The following COMMD1 variants were observed in gnomAD, a reference collection of about 807,000 sequenced individuals.
The protein encoded by COMMD1 is copper metabolism domain containing 1, also known as COMM domain-containing protein 1.
In COMMD1, 10 loss-of-function variants were observed where a neutral mutation model predicts 17.2. That is an observed-to-expected ratio of 0.58 (90% CI 0.36 to 0.99). The LOEUF (loss-of-function observed/expected upper bound fraction) is 0.99. Among genes scored for constraint, COMMD1 ranks in the 50% least tolerant of loss-of-function variants. The probability of loss-of-function intolerance (pLI) is 0.01; values close to 1 mark genes in which losing one functional copy is unlikely to be tolerated. For synonymous variants in COMMD1, 97 were observed against 91.6 expected (o/e 1.06, Z -0.34); for missense variants, 270 against 231.8 (o/e 1.17, Z -1.07).
At chr2:62,093,508 G>A (rs1671902941) in intron 2 of COMMD1, among the ~76,000 whole-genome samples, 1 of 152,098 alleles carries the variant, frequency 6.6e-6, no homozygotes, top group Non-Finnish European at 1.5e-5. Context: ...TTACTTACTT[G>A]GGTCAAACAT....
At chr2:61,906,916 T>C (rs928853334) in intron 1 of COMMD1, among the ~76,000 whole-genome samples, 7 of 152,246 alleles carry the variant, frequency 4.6e-5, no homozygotes, top group Admixed American at 2.0e-4. Flanking sequence ...AAGGCACTTC[T>C]GTATTTTTTT....
chr2:62,073,511 T>G (rs1368944555), intron 2 of COMMD1, among the ~76,000 whole-genome samples: 1 of 152,236 alleles, frequency 6.6e-6, no homozygotes, highest in African/African-American at 2.4e-5. Context: ...TACCCATGAC[T>G]TGTAAGCCCT....
intron 2 of COMMD1, among the ~76,000 whole-genome samples, chr2:62,007,608 T>C (rs942987238): frequency 6.6e-6 from 1 of 152,220 alleles, no homozygotes; most frequent in Non-Finnish European, 1.5e-5. Context: ...ATAATACTTA[T>C]CATTGTGTTG....
Position 62,064,482 on chromosome 2 carries a change from C to G in COMMD1, c.462+63500C>G, listed in dbSNP as rs538604164. On this transcript the variant is annotated intron_variant, in intron 2 of 2. Transcript: ENST00000311832. ...TGCCACCATGCCGGGTCCATAGTAG[C>G]TTTTTTATTCCTGTGTTTTATAATT... Among the ~76,000 whole-genome samples the G allele has an allele frequency of 5.3e-5, 8 of 152,212 alleles. No homozygotes were observed. The East Asian group carries it at 7.7e-4, about 15-fold the overall frequency.
upstream of COMMD1, chr2:61,888,589 G>A (rs1014422955): frequency 2.2e-5 from 32 of 1,473,432 alleles, no homozygotes; most frequent in Non-Finnish European, 2.9e-5. Context: ...ATAACGGTAA[G>A]CCCTCACTGC....
intron 1 of COMMD1, among the ~76,000 whole-genome samples, chr2:61,935,290 C>T (rs1326326130): frequency 5.3e-5 from 8 of 152,182 alleles, no homozygotes. Flanking sequence ...AACAGAACTA[C>T]AGTCTGATAA....
intron 2 of COMMD1, among the ~76,000 whole-genome samples, chr2:62,105,131 A>G (rs1283333585): frequency 6.6e-6 from 1 of 151,646 alleles, no homozygotes; most frequent in Non-Finnish European, 1.5e-5. Context: ...GTCTCAAAAA[A>G]AAAAAAAGAA....
intron 2 of COMMD1, among the ~76,000 whole-genome samples, chr2:62,099,961 A>G (rs751394575): frequency 2.6e-5 from 4 of 152,086 alleles, no homozygotes; most frequent in Non-Finnish European, 5.9e-5. Flanking sequence ...GCTTATGAAA[A>G]ATAATAGTTC....
intron 1 of COMMD1, among the ~76,000 whole-genome samples, chr2:61,935,419 A>C (rs1670579083): frequency 6.6e-6 from 1 of 152,154 alleles, no homozygotes; most frequent in African/African-American, 2.4e-5. Flanking sequence ...ACTTGAGGTT[A>C]GGAGTTCAAG....
chr2:62,058,316 TG>T (rs1293329945), intron 2 of COMMD1, among the ~76,000 whole-genome samples: 2 of 152,250 alleles, frequency 1.3e-5, no homozygotes, highest in Non-Finnish European at 2.9e-5. Flanking sequence ...GTGAGAAGGA[TG>T]TTAGTTCACA....
intron 2 of COMMD1, among the ~76,000 whole-genome samples, chr2:62,019,131 CCCTT>C (rs1239787487): frequency 1.7e-3 from 158 of 91,856 alleles, no homozygotes; most frequent in South Asian, 5.2e-3. Context: ...CTCCCTCCCT[CCCTT>C]CCTTCCTTCC....
rs181017418 is a variant in COMMD1 at position 62,123,897 on chromosome 2, G to C, written c.463-11934G>C. ...GTTTAAAACATAACCTAGGCTGAGG[G>C]CAGTAGTCCTGGTCATCAAAGGAAG... On this transcript the variant is annotated intron_variant, in intron 2 of 2. Coordinates refer to ENST00000311832, the MANE Select transcript of COMMD1 (RefSeq NM_152516.4). Among the ~76,000 whole-genome samples, 55 of 152,052 alleles carry C rather than the reference G, an allele frequency of 3.6e-4. 1 individual carries two copies. The highest frequency in any genetic ancestry group is 1.3e-3 in the African/African-American group (54 of 41,330).
At chr2:62,059,539 C>T (rs148784775) in intron 2 of COMMD1, among the ~76,000 whole-genome samples, 7 of 152,122 alleles carry the variant, frequency 4.6e-5, no homozygotes, top group Admixed American at 2.0e-4. Context: ...ATAGCCTCTC[C>T]CCATTTTTTC....
At chr2:61,891,666 T>G (rs113042568) in intron 1 of COMMD1, among the ~76,000 whole-genome samples, 17 of 151,882 alleles carry the variant, frequency 1.1e-4, no homozygotes, top group African/African-American at 4.1e-4. Context: ...AGGCAGAGGT[T>G]GTAGTGAGCC....
At chr2:62,086,574 C>T (rs1671675487) in intron 2 of COMMD1, among the ~76,000 whole-genome samples, 2 of 151,896 alleles carry the variant, frequency 1.3e-5, no homozygotes. Context: ...CTAAGCATTT[C>T]TGGTAGGTGC....
intron 2 of COMMD1, among the ~76,000 whole-genome samples, chr2:62,016,438 G>A (rs1669451268): frequency 6.7e-6 from 1 of 150,334 alleles, no homozygotes; most frequent in African/African-American, 2.4e-5. Flanking sequence ...TTGAACTCCT[G>A]GGCTGAAGCA....
At chr2:62,043,566 A>G (rs1366039486) in intron 2 of COMMD1, among the ~76,000 whole-genome samples, 3 of 152,196 alleles carry the variant, frequency 2.0e-5, no homozygotes, top group Non-Finnish European at 4.4e-5. Flanking sequence ...CAAACTGAGG[A>G]TCAGGTGTTA....
chr2:62,103,748 A>G (rs1672248523), intron 2 of COMMD1, among the ~76,000 whole-genome samples: 1 of 152,180 alleles, frequency 6.6e-6, no homozygotes, highest in Non-Finnish European at 1.5e-5. Flanking sequence ...TTCTTTATAC[A>G]TGTTTCCTGA....
chr2:62,065,511 GAC>G (rs1671013298), intron 2 of COMMD1, among the ~76,000 whole-genome samples: 1 of 151,680 alleles, frequency 6.6e-6, no homozygotes. Flanking sequence ...TGTGTGTAGA[GAC>G]ACAGTCTCAT....
Sources: gnomAD v4.1 joint callset for allele counts (sites outside exome capture counted in the v4.1 genomes callset) on GRCh38, gnomAD v4.1.1 for gene constraint, MANE v1.5 for transcripts, NCBI Gene and HGNC (gene_info 2026-07-23, HGNC 2026-07-21) for gene names.